SEC23B: variants seen among roughly 807,000 people sequenced by gnomAD.
SEC23B encodes protein transport protein Sec23B.
SEC23B carries 77 observed loss-of-function variants against 104.3 expected under a neutral mutation model. The observed-to-expected ratio is 0.74, with a 90% CI of 0.61 to 0.89. The LOEUF (loss-of-function observed/expected upper bound fraction) is 0.89, where lower values mean the gene tolerates loss of function less well. Among genes scored for constraint, SEC23B ranks in the 40% least tolerant of loss-of-function variants. The pLI is 0.00. For missense variants in SEC23B, 885 were observed against 949.4 expected (o/e 0.93, Z 0.89); for synonymous variants, 338 against 332.5 (o/e 1.02, Z -0.18).
At chr20:18,510,623 G>T (rs1057425756) in intron 1 of SEC23B, among the ~76,000 whole-genome samples, 199 bp from the exon 2 acceptor site, 10 of 152,098 alleles carry the variant, frequency 6.6e-5, no homozygotes, top group African/African-American at 2.4e-4. Context: ...AAAATTAGCC[G>T]GGCTTGGTGG....
intron 19 of SEC23B, among the ~76,000 whole-genome samples, chr20:18,559,895 A>T (rs779650718): frequency 3.3e-4 from 51 of 152,312 alleles, no homozygotes; most frequent in Admixed American, 6.5e-4. Context: ...AGTGGGAGGA[A>T]TAGAGAAAAG....
At position 18,511,867 on chromosome 20, in the gene SEC23B, C is replaced by T. The variant is rs2295554; in HGVS notation, c.222-358C>T. ...GTTGGAATTTAGTAGTTTCACATAG[C>T]CGGACAATAAAGATGTTAGAAAAAA... On this transcript the variant is annotated intron_variant, in intron 2 of 19. Coordinates refer to ENST00000650089, the MANE Select transcript of SEC23B (RefSeq NM_006363.6). 0.24 allele frequency among the ~76,000 whole-genome samples: 36,122 copies of T among 151,626 alleles called. 4,647 individuals carry two copies. Among genetic ancestry groups the T allele is most frequent in the East Asian group, 0.44 (2,262 of 5,164 alleles).
chr20:18,527,712 G>C lies in SEC23B; in HGVS notation c.1109+101G>C. On this transcript the variant is annotated intron_variant, in intron 9 of 19. Transcript: ENST00000650089. ...GAATGGGCAAGGCCAACTCAGAGAA[G>C]CTTTCAGGTAGCTCTGGGCTATGGT... is the stretch of plus-strand genomic sequence containing the variant. The C allele has an allele frequency of 4.9e-6, 4 of 822,964 alleles. No homozygotes were observed. In the Admixed American group the frequency reaches 5.1e-5, roughly 10 times the overall value. The allele number at this position is 822,964 out of a possible 1,614,324, so 51.0% of individuals were successfully genotyped here. A position where few individuals can be genotyped will look rare whatever the true frequency, so the allele number is the denominator to read the frequency against.
chr20:18,535,504 T>C (rs186927374), intron 11 of SEC23B, 149 bp from the exon 12 acceptor site: 1 of 656,100 alleles, frequency 1.5e-6, no homozygotes, highest in Admixed American at 2.6e-5. Flanking sequence ...TGTTCTCTTT[T>C]CAGGAGAAGG....
At chr20:18,539,153 A>C (rs1202172195) in intron 12 of SEC23B, among the ~76,000 whole-genome samples, 1 of 148,894 alleles carries the variant, frequency 6.7e-6, no homozygotes, top group East Asian at 2.1e-4. Context: ...TGGAGGTTGC[A>C]GTGAGCCGAG....
chr20:18,533,061 T>C lies in SEC23B; in HGVS notation c.1314+317T>C, dbSNP rs539523647. On this transcript the variant is annotated intron_variant, in intron 11 of 19. Transcript: ENST00000650089. ...GTTGTGCCAAAGCCACGGCATGCTG[T>C]TCAGCACAAGGCAAACATTCAGCAC... is the stretch of plus-strand genomic sequence containing the variant. Among the ~76,000 whole-genome samples the C allele has an allele frequency of 1.6e-4, 25 of 152,342 alleles. No individual in the cohort carries two copies. In the South Asian group the frequency reaches 4.6e-3, roughly 28 times the overall value.
At position 18,510,792 on chromosome 20, in the gene SEC23B, C is replaced by A. The variant is rs375299261; in HGVS notation, c.-14-30C>A. 1.9e-4 allele frequency: 285 copies of A among 1,493,224 alleles called. 2 individuals are homozygous for A. Among genetic ancestry groups the A allele is most frequent in the Non-Finnish European group, 2.5e-4 (269 of 1,070,308 alleles). The allele number at this position is 1,493,224 out of a possible 1,614,324, so 92.5% of individuals were successfully genotyped here. A position where few individuals can be genotyped will look rare whatever the true frequency, so the allele number is the denominator to read the frequency against. ...GACATTTAGTTCAGAATTTCACATACCATTAAGGTAATTAAAGTTTTATCT... is the reference window on the plus strand; with the variant it reads ...GACATTTAGTTCAGAATTTCACATAACATTAAGGTAATTAAAGTTTTATCT... On this transcript the variant is annotated intron_variant, in intron 1 of 19. Transcript: ENST00000650089.
chr20:18,538,530 G>A (rs6112014), intron 12 of SEC23B, among the ~76,000 whole-genome samples: 2 of 152,118 alleles, frequency 1.3e-5, no homozygotes, highest in African/African-American at 4.8e-5. Context: ...TGGGATTACA[G>A]GCGTGAGCCA....
chr20:18,513,834 C>G (rs2060002074), intron 3 of SEC23B, among the ~76,000 whole-genome samples: 1 of 152,134 alleles, frequency 6.6e-6, no homozygotes, highest in Non-Finnish European at 1.5e-5. Context: ...GGCTAAAGAG[C>G]CAGAGATCTG....
intron 19 of SEC23B, among the ~76,000 whole-genome samples, 184 bp from the exon 20 acceptor site, chr20:18,560,467 T>C (rs2060482001): frequency 6.6e-6 from 1 of 152,094 alleles, no homozygotes; most frequent in East Asian, 1.9e-4. Context: ...CAGGAAAGGA[T>C]TTTGTGAGGA....
rs2060486350 is a variant in SEC23B at position 18,560,843 on chromosome 20, TA to T, written c.*105del. 1.2e-6 allele frequency: 1 copy of T among 857,248 alleles called. No individual in the cohort carries two copies. The highest frequency in any genetic ancestry group is 1.3e-5 in the South Asian group (1 of 74,302). 53.1% of individuals were successfully genotyped at this position (857,248 alleles called of 1,614,324 possible). ...TACTTTTCTAGCAGATTTTAACAAA[TA>T]ATCAAGGACATTTTATATGTAACTC... On this transcript the variant is annotated 3_prime_UTR_variant, in exon 20 of 20. Coordinates refer to ENST00000650089, the MANE Select transcript of SEC23B (RefSeq NM_006363.6).
intron 12 of SEC23B, among the ~76,000 whole-genome samples, chr20:18,538,747 T>C (rs2060259806): frequency 6.6e-6 from 1 of 152,188 alleles, no homozygotes; most frequent in African/African-American, 2.4e-5. Context: ...TTGTAAATCT[T>C]GTCATTTCAA....
chr20:18,552,650 C>T (rs1449768044), intron 17 of SEC23B, among the ~76,000 whole-genome samples: 1 of 152,024 alleles, frequency 6.6e-6, no homozygotes, highest in Non-Finnish European at 1.5e-5. Context: ...CCTGTCTCTA[C>T]TAAAAATACA....
chr20:18,544,159 A>T (rs1023585431), intron 14 of SEC23B, among the ~76,000 whole-genome samples: 1 of 152,200 alleles, frequency 6.6e-6, no homozygotes, highest in Non-Finnish European at 1.5e-5. Flanking sequence ...CAATAAATCA[A>T]TAATTGGCAC....
intron 7 of SEC23B, 149 bp from the exon 8 acceptor site, chr20:18,526,224 C>G: frequency 1.0e-6 from 1 of 954,410 alleles, no homozygotes; most frequent in Non-Finnish European, 1.6e-6. Context: ...TGCTGCTTTT[C>G]TGCATTATCA....
intron 1 of SEC23B, among the ~76,000 whole-genome samples, chr20:18,509,295 T>A (rs2059960614): frequency 6.6e-6 from 1 of 152,236 alleles, no homozygotes; most frequent in Admixed American, 6.5e-5. Context: ...CATTTGCTTT[T>A]CTAGCCATGC....
chr20:18,523,172 G>A (rs139953561), intron 4 of SEC23B, among the ~76,000 whole-genome samples: 58 of 151,954 alleles, frequency 3.8e-4, no homozygotes, highest in African/African-American at 1.1e-3. Context: ...AAAGCCCCAC[G>A]TGTTACCACT....
chr20:18,520,947 G>A (rs1297284939), intron 4 of SEC23B, among the ~76,000 whole-genome samples: 1 of 152,142 alleles, frequency 6.6e-6, no homozygotes, highest in African/African-American at 2.4e-5. Flanking sequence ...TGCTTGGTGA[G>A]TTGAACAGTC....
At chr20:18,530,501 C>T (rs553601375) in intron 9 of SEC23B, among the ~76,000 whole-genome samples, 179 bp from the exon 10 acceptor site, 2 of 152,324 alleles carry the variant, frequency 1.3e-5, no homozygotes, top group South Asian at 2.1e-4. Flanking sequence ...TCCCAAAGTG[C>T]TGGGATTACA....
Sources: allele counts gnomAD v4.1 joint callset (sites outside exome capture counted in the v4.1 genomes callset), GRCh38; gene constraint gnomAD v4.1.1; transcripts MANE v1.5; gene names NCBI Gene and HGNC (gene_info 2026-07-23, HGNC 2026-07-21).